Variants in DNAH14 observed in about 807,000 individuals in gnomAD.
DNAH14 encodes the protein axonemal beta dynein heavy chain 14.
Under a neutral mutation model 520.9 loss-of-function variants are expected in DNAH14, and 478 were observed. The observed-to-expected ratio is 0.92, with a 90% CI of 0.85 to 0.99. DNAH14 has a LOEUF of 0.99. Ranked by LOEUF, DNAH14 falls within the 50% of genes least tolerant of loss-of-function variation. The pLI is 0.00. For synonymous variants in DNAH14, 1,581 were observed against 1,757.2 expected (o/e 0.90, Z 2.51); for missense variants, 4,831 against 5,234.5 (o/e 0.92, Z 2.38).
chr1:225,195,797 A>T (rs368304620), intron 38 of DNAH14, among the ~76,000 whole-genome samples: 6 of 152,228 alleles, frequency 3.9e-5, no homozygotes, highest in East Asian at 3.9e-4. Context: ...AAAAAAAGTT[A>T]TAACAATGAT....
Position 225,085,793 on chromosome 1 carries a change from A to G in DNAH14, c.3573+4A>G. On this transcript the variant is annotated splice_donor_region_variant and intron_variant, in intron 21 of 85. Transcript: ENST00000682510. Reference sequence around the variant, plus strand: ...TCCCCACATTGGGCCCATTAAGGTAAGTATTATGGCAAAGGAAAAATGTTT... The same window carrying G: ...TCCCCACATTGGGCCCATTAAGGTAGGTATTATGGCAAAGGAAAAATGTTT... The G allele has an allele frequency of 6.5e-7, 1 of 1,530,076 alleles. No individual in the cohort carries two copies. The highest frequency in any genetic ancestry group is 8.8e-7 in the Non-Finnish European group (1 of 1,140,112). 94.8% of individuals were successfully genotyped at this position (1,530,076 alleles called of 1,614,324 possible).
chr1:225,123,576 T>C lies in DNAH14; in HGVS notation c.4216T>C (p.Trp1406Arg). 2.3e-6 allele frequency: 1 copy of C among 438,402 alleles called. No individual in the cohort carries two copies. Among genetic ancestry groups the C allele is most frequent in the Non-Finnish European group, 4.8e-6 (1 of 209,588 alleles). 27.2% of individuals were successfully genotyped at this position (438,402 alleles called of 1,614,324 possible). ...CTGGAACTGCCAGATGTTTTCCCAA[T>C]GGGTGTTATCTCATCCAGGACAAGT... Reference protein sequence around the residue: ...EDWNCQMFSQWVLSHPGQVVL... With the variant: ...EDWNCQMFSQRVLSHPGQVVL... The change falls in exon 27 of 86, where the codon TGG becomes CGG. Residue 1406 changes from tryptophan to arginine, a missense_variant. Physicochemically the swap from Trp to Arg is moderately radical, Grantham distance 101. Coordinates refer to ENST00000682510, the MANE Select transcript of DNAH14 (RefSeq NM_001367479.1).
At chr1:225,371,077 T>C (rs2095612988) in intron 77 of DNAH14, among the ~76,000 whole-genome samples, 1 of 152,196 alleles carries the variant, frequency 6.6e-6, no homozygotes, top group South Asian at 2.1e-4. Flanking sequence ...TAATATTATA[T>C]ATTCTAGACC....
intron 41 of DNAH14, among the ~76,000 whole-genome samples, chr1:225,219,185 A>G (rs2089774120): frequency 1.3e-5 from 2 of 152,226 alleles, no homozygotes; most frequent in South Asian, 2.1e-4. Flanking sequence ...AGGGAAATGT[A>G]TATCACTAAA....
chr1:225,301,525 G>A (rs2094139161), intron 56 of DNAH14, among the ~76,000 whole-genome samples: 1 of 152,164 alleles, frequency 6.6e-6, no homozygotes, highest in African/African-American at 2.4e-5. Flanking sequence ...CAGAGGAGCT[G>A]TGAACAAACT....
intron 78 of DNAH14, 74 bp from the exon 79 acceptor site, chr1:225,377,163 T>C: frequency 8.0e-7 from 1 of 1,248,828 alleles, no homozygotes. Flanking sequence ...GGTATCTTAC[T>C]CTGGCAAAAA....
rs983688806 is a variant in DNAH14 at position 225,040,186 on chromosome 1, G to T, written c.1488+1363G>T. On this transcript the variant is annotated intron_variant, in intron 12 of 85. Coordinates refer to ENST00000682510, the MANE Select transcript of DNAH14 (RefSeq NM_001367479.1). ...GATCTCCTGACCTCGTGATCTGCCCGCCTCGGCCTCCCGAAGTGTTGGGAT... is the reference window on the plus strand; with the variant it reads ...GATCTCCTGACCTCGTGATCTGCCCTCCTCGGCCTCCCGAAGTGTTGGGAT... 4.6e-5 allele frequency among the ~76,000 whole-genome samples: 7 copies of T among 151,894 alleles called. No homozygotes were observed. In the South Asian group the frequency reaches 6.2e-4, roughly 14 times the overall value.
At chr1:225,369,470 A>G (rs577988117) in intron 77 of DNAH14, among the ~76,000 whole-genome samples, 142 of 97,638 alleles carry the variant, frequency 1.5e-3, no homozygotes, top group African/African-American at 5.7e-3. Flanking sequence ...AGACAACAGC[A>G]TATTGTAGCA....
At chr1:225,011,077 T>G (rs2147899178) in intron 10 of DNAH14, among the ~76,000 whole-genome samples, 2 of 152,276 alleles carry the variant, frequency 1.3e-5, no homozygotes, top group East Asian at 3.9e-4. Flanking sequence ...TTTTGAACTT[T>G]TTTTGTGTGT....
At chr1:225,023,905 A>G (rs1453284340) in intron 11 of DNAH14, 40 bp downstream of exon 11, 3 of 1,492,508 alleles carry the variant, frequency 2.0e-6, no homozygotes, top group Admixed American at 2.3e-5. Flanking sequence ...ACTTACAATT[A>G]TAATATTTTA....
intron 7 of DNAH14, among the ~76,000 whole-genome samples, chr1:224,970,538 C>G (rs1048737656): frequency 1.3e-5 from 2 of 152,056 alleles, no homozygotes; most frequent in African/African-American, 4.8e-5. Flanking sequence ...TTTTACCGCT[C>G]GGGGGCATGA....
chr1:224,940,040 C>G (rs1245972224), intron 1 of DNAH14, among the ~76,000 whole-genome samples: 13 of 152,210 alleles, frequency 8.5e-5, no homozygotes, highest in Admixed American at 6.5e-4. Context: ...TTTTGCTGCT[C>G]TATGTGGCAT....
intron 11 of DNAH14, among the ~76,000 whole-genome samples, chr1:225,027,630 A>C (rs1273345141): frequency 6.6e-6 from 1 of 152,034 alleles, no homozygotes; most frequent in Non-Finnish European, 1.5e-5. Flanking sequence ...GAAGAGATGT[A>C]GGGGGAGGTG....
chr1:225,375,440 A>T (rs556224360), intron 78 of DNAH14, among the ~76,000 whole-genome samples: 1 of 152,256 alleles, frequency 6.6e-6, no homozygotes, highest in South Asian at 2.1e-4. Flanking sequence ...ATAAACTTTG[A>T]TGGGTGGGAA....
chr1:225,371,610 C>T (rs2095619687), intron 77 of DNAH14, among the ~76,000 whole-genome samples: 3 of 152,006 alleles, frequency 2.0e-5, no homozygotes. Context: ...TTCATATTAA[C>T]ATTGTAAAAA....
chr1:225,373,491 A>G (rs77574027), intron 77 of DNAH14, among the ~76,000 whole-genome samples: 4,849 of 131,670 alleles, frequency 0.037, 124 homozygotes, highest in Middle Eastern at 0.058. Flanking sequence ...GGAGGGAGGG[A>G]GGGGGATAGG....
chr1:225,356,768 C>T (rs2095434004), intron 73 of DNAH14, among the ~76,000 whole-genome samples: 2 of 152,008 alleles, frequency 1.3e-5, no homozygotes. Context: ...TCATTTTTAC[C>T]TTTTTGCATT....
intron 1 of DNAH14, among the ~76,000 whole-genome samples, chr1:224,942,366 C>G (rs1006728160): frequency 6.6e-6 from 1 of 152,192 alleles, no homozygotes; most frequent in Non-Finnish European, 1.5e-5. Context: ...TATCCTGGGA[C>G]TTTGCTGAAG....
intron 61 of DNAH14, among the ~76,000 whole-genome samples, chr1:225,319,663 C>T (rs922926516): frequency 2.6e-5 from 4 of 152,066 alleles, no homozygotes; most frequent in African/African-American, 9.7e-5. Context: ...TTCGTATGCC[C>T]TCATTCTTAT....
Sources: gnomAD v4.1 joint callset for allele counts (sites outside exome capture counted in the v4.1 genomes callset) on GRCh38, gnomAD v4.1.1 for gene constraint, MANE v1.5 for transcripts, NCBI Gene and HGNC (gene_info 2026-07-23, HGNC 2026-07-21) for gene names.